The following RIMS2 variants were observed in gnomAD, a reference collection of about 807,000 sequenced individuals.
The protein encoded by RIMS2 is regulating synaptic membrane exocytosis 2.
Under a neutral mutation model 174.4 loss-of-function variants are expected in RIMS2, and 59 were observed. The observed-to-expected ratio is 0.34, with a 90% confidence interval of 0.27 to 0.42. RIMS2 has a LOEUF of 0.42. RIMS2 is among the 10% of genes least tolerant of loss of function. The pLI is 1.00. For missense variants in RIMS2, 1,620 were observed against 1,666.3 expected (o/e 0.97, Z 0.48); for synonymous variants, 606 against 572.5 (o/e 1.06, Z -0.84).
chr8:103,876,907 T>TATAC (rs1554922500), intron 3 of RIMS2, among the ~76,000 whole-genome samples: 2 of 48,432 alleles, frequency 4.1e-5, no homozygotes, highest in African/African-American at 1.3e-4. Context: ...TATATATATA[T>TATAC]ATACACACAC....
chr8:104,027,631 G>A (rs556075747), intron 19 of RIMS2, among the ~76,000 whole-genome samples: 2 of 152,232 alleles, frequency 1.3e-5, no homozygotes, highest in East Asian at 1.9e-4. Context: ...GCTTTACAAT[G>A]TACTAACTGT....
chr8:104,117,621 C>A (rs2132115487), intron 19 of RIMS2, among the ~76,000 whole-genome samples: 1 of 152,274 alleles, frequency 6.6e-6, no homozygotes, highest in South Asian at 2.1e-4. Context: ...GGATTACAGG[C>A]ATGACCTACC....
chr8:103,927,853 T>A, exon 11 of RIMS2: 2 of 1,608,058 alleles, frequency 1.2e-6, no homozygotes, highest in Non-Finnish European at 1.7e-6. Flanking sequence ...GCCAAAGCCT[T>A]AGTAGAAGAA....
At position 103,537,974 on chromosome 8, in the gene RIMS2, AAC is replaced by A. The variant is rs1336483413; in HGVS notation, c.176+36916_176+36917del. Among the ~76,000 whole-genome samples the A allele has an allele frequency of 6.6e-5, 10 of 152,288 alleles. No homozygotes were observed. In the South Asian group the frequency reaches 1.2e-3, roughly 19 times the overall value. ...AGATAACTTTCTGAATTTTCTGGCC[AAC>A]ACAGTTAATTTCTGTTTTATTGACA... On this transcript the variant is annotated intron_variant, in intron 1 of 23. Transcript: ENST00000504942.
intron 17 of RIMS2, among the ~76,000 whole-genome samples, chr8:103,990,871 A>G (rs1452854017): frequency 6.6e-6 from 1 of 151,982 alleles, no homozygotes; most frequent in Non-Finnish European, 1.5e-5. Flanking sequence ...AATGCTGTCT[A>G]AATCTTGAAG....
chr8:103,715,812 A>G (rs2097361291), intron 2 of RIMS2, among the ~76,000 whole-genome samples: 1 of 152,184 alleles, frequency 6.6e-6, no homozygotes, highest in South Asian at 2.1e-4. Flanking sequence ...GGACAGAGAT[A>G]AACTTCAGAA....
intron 19 of RIMS2, among the ~76,000 whole-genome samples, chr8:104,034,082 G>A (rs898417827): frequency 6.6e-6 from 1 of 152,158 alleles, no homozygotes; most frequent in African/African-American, 2.4e-5. Flanking sequence ...CAAACTTGTG[G>A]CATCAGAAAA....
At chr8:103,596,465 C>A (rs994980160) in intron 1 of RIMS2, among the ~76,000 whole-genome samples, 2 of 151,892 alleles carry the variant, frequency 1.3e-5, no homozygotes, top group African/African-American at 4.8e-5. Flanking sequence ...TGCTGAATTA[C>A]CATGTGGTGA....
chr8:103,970,665 C>A (rs2092760138), intron 15 of RIMS2, among the ~76,000 whole-genome samples: 1 of 152,134 alleles, frequency 6.6e-6, no homozygotes, highest in South Asian at 2.1e-4. Context: ...CACTGCTTTC[C>A]CCTCATAAGT....
chr8:103,719,975 G>A (rs1213905818), intron 2 of RIMS2, among the ~76,000 whole-genome samples: 2 of 151,910 alleles, frequency 1.3e-5, no homozygotes, highest in African/African-American at 4.8e-5. Context: ...TAGGATATTG[G>A]TATCTCTTGA....
At chr8:104,203,651 C>A (rs963812717) in intron 19 of RIMS2, among the ~76,000 whole-genome samples, 5 of 151,614 alleles carry the variant, frequency 3.3e-5, no homozygotes, top group African/African-American at 1.2e-4. Flanking sequence ...TCACAGGCAC[C>A]CACTACCACT....
chr8:104,125,732 T>C (rs1332296921), intron 19 of RIMS2, among the ~76,000 whole-genome samples: 4 of 152,144 alleles, frequency 2.6e-5, no homozygotes, highest in Non-Finnish European at 4.4e-5. Flanking sequence ...CAAATAAGAA[T>C]TGACTACCTG....
intron 3 of RIMS2, among the ~76,000 whole-genome samples, chr8:103,798,076 A>G (rs2098565181): frequency 6.6e-6 from 1 of 152,186 alleles, no homozygotes; most frequent in South Asian, 2.1e-4. Flanking sequence ...TACTTCAGGT[A>G]CATAGTCTAC....
At chr8:103,557,113 G>T (rs1299833443) in intron 1 of RIMS2, among the ~76,000 whole-genome samples, 2 of 152,176 alleles carry the variant, frequency 1.3e-5, no homozygotes, top group African/African-American at 4.8e-5. Context: ...AAAAATGTAT[G>T]TAAAGTACTT....
intron 1 of RIMS2, among the ~76,000 whole-genome samples, chr8:103,625,378 G>C (rs1394480275): frequency 6.6e-6 from 1 of 152,072 alleles, no homozygotes; most frequent in African/African-American, 2.4e-5. Flanking sequence ...CTACATTCTA[G>C]AACAGAGCAC....
chr8:104,014,431 C>T, intron 18 of RIMS2, 75 bp from the exon 21 acceptor site: 2 of 797,622 alleles, frequency 2.5e-6, no homozygotes, highest in Non-Finnish European at 2.1e-6. Flanking sequence ...ATACAGCTAT[C>T]ATATGAACCA....
chr8:104,238,348 T>C (rs1258120292), intron 19 of RIMS2, among the ~76,000 whole-genome samples: 1 of 151,654 alleles, frequency 6.6e-6, no homozygotes, highest in Non-Finnish European at 1.5e-5. Flanking sequence ...ACCTAATACA[T>C]GTGGGGCTTA....
chr8:104,046,251 G>A (rs2096692871), intron 19 of RIMS2, among the ~76,000 whole-genome samples: 1 of 151,900 alleles, frequency 6.6e-6, no homozygotes, highest in Non-Finnish European at 1.5e-5. Flanking sequence ...TATGAGAGAA[G>A]GGGCAATGGA....
At chr8:103,580,077 G>T (rs186110397) in intron 1 of RIMS2, among the ~76,000 whole-genome samples, 1 of 152,010 alleles carries the variant, frequency 6.6e-6, no homozygotes, top group Non-Finnish European at 1.5e-5. Context: ...TTTGGGTGGG[G>T]ACACAGAGCA....
Sources: allele counts gnomAD v4.1 joint callset (sites outside exome capture counted in the v4.1 genomes callset), GRCh38; gene constraint gnomAD v4.1.1; transcripts MANE v1.5; gene names NCBI Gene and HGNC (gene_info 2026-07-23, HGNC 2026-07-21).